Variants in ZZEF1 observed in about 807,000 individuals in gnomAD.
ZZEF1 encodes zinc finger ZZ-type and EF-hand domain containing 1.
In ZZEF1, 157 loss-of-function variants were observed where a neutral mutation model predicts 342.8. The observed-to-expected ratio is 0.46, with a 90% CI of 0.40 to 0.52. ZZEF1 has a LOEUF of 0.52. Among genes scored for constraint, ZZEF1 ranks in the 20% least tolerant of loss-of-function variants. The pLI, the probability that ZZEF1 is intolerant of heterozygous loss-of-function variation, is 0.00. For synonymous variants in ZZEF1, 1,505 were observed against 1,429.1 expected, an observed-to-expected ratio of 1.05 and a Z score of -1.20; for missense variants, 3,480 against 3,725.6, an observed-to-expected ratio of 0.93 and a Z score of 1.72.
At position 4,134,329 on chromosome 17, in the gene ZZEF1, A is replaced by AATATATATATATTTATATATATTTAT. The variant is rs1555614032; in HGVS notation, c.354+8187_354+8212dup. Reference sequence around the variant, plus strand: ...TGAAGACCCTGTCTCAAAAAGAAAAAATATATATATATTTATATATATTTA... The same window carrying AATATATATATATTTATATATATTTAT: ...TGAAGACCCTGTCTCAAAAAGAAAAAATATATATATATTTATATATATTTATATATATATATATTTATATATATTTA... On this transcript the variant is annotated intron_variant, in intron 1 of 54. Coordinates refer to ENST00000381638, the MANE Select transcript of ZZEF1 (RefSeq NM_015113.4). 2.8e-3 allele frequency among the ~76,000 whole-genome samples: 404 copies of AATATATATATATTTATATATATTTAT among 144,576 alleles called. 1 individual carries two copies. Among genetic ancestry groups the AATATATATATATTTATATATATTTAT allele is most frequent in the Non-Finnish European group, 4.1e-3 (274 of 66,602 alleles). 94.8% of individuals were successfully genotyped at this position (144,576 alleles called of 152,430 possible). A position where few individuals can be genotyped will look rare whatever the true frequency, so the allele number is the denominator to read the frequency against.
Position 4,044,404 on chromosome 17 carries a change from G to T in ZZEF1, c.6016-30C>A, listed in dbSNP as rs201100614. 6 of 1,583,100 alleles carry T rather than the reference G, an allele frequency of 3.8e-6. No homozygotes were observed. In the East Asian group the frequency reaches 1.4e-4, roughly 36 times the overall value. On this transcript the variant is annotated intron_variant, in intron 37 of 54. Coordinates refer to ENST00000381638, the MANE Select transcript of ZZEF1 (RefSeq NM_015113.4). ...AAAAACAAAAGTGTAAAAGAATTAA[G>T]GTTTCTTATAACAAAGTTTGCTCCA...
chr17:4,067,097 T>C, intron 27 of ZZEF1, 66 bp downstream of exon 27: 2 of 1,348,888 alleles, frequency 1.5e-6, no homozygotes, highest in South Asian at 2.5e-5. Context: ...ACAATTCATC[T>C]TAATTCCATG....
Position 4,006,089 on chromosome 17 carries a change from G to C in ZZEF1, c.*801C>G, listed in dbSNP as rs9895252. ...TCATCTTCACGGTACATAAGCTCAC[G>C]CGTGCTCCTCACATTCTGCTCCTTT... On this transcript the variant is annotated 3_prime_UTR_variant, in exon 55 of 55. Transcript: ENST00000381638. The C allele has an allele frequency of 0.14, 21,845 of 152,336 alleles. 1,901 individuals are homozygous for C. Among genetic ancestry groups the C allele is most frequent in the African/African-American group, 0.24 (10,071 of 41,496 alleles). The allele number at this position is 152,336 out of a possible 1,614,324, so 9.4% of individuals were successfully genotyped here.
At chr17:4,060,563 A>AAACAAC (rs58090435) in intron 30 of ZZEF1, among the ~76,000 whole-genome samples, 16 of 150,020 alleles carry the variant, frequency 1.1e-4, no homozygotes, top group African/African-American at 2.0e-4. Flanking sequence ...ACAAAAAAAC[A>AAACAAC]AACAACAACA....
rs762193255 is a variant in ZZEF1 at position 4,064,759 on chromosome 17, G to A, written c.4320C>T (p.Ser1440=). 1.9e-6 allele frequency: 3 copies of A among 1,613,172 alleles called. No individual in the cohort carries two copies. In the African/African-American group the frequency reaches 4.0e-5, roughly 22 times the overall value. The part of the protein sequence containing the change: ...FLPTGISSKE[S]CEKLETADET... Reference sequence around the variant, plus strand: ...CATCAGCAGTCTCCAACTTTTCGCAGCTTTCTTTTGAACTTATGCCCGTGG... The same window carrying A: ...CATCAGCAGTCTCCAACTTTTCGCAACTTTCTTTTGAACTTATGCCCGTGG... Residue 1440 remains serine, a synonymous_variant, in exon 29 of 55, where the codon AGC becomes AGT. Transcript: ENST00000381638.
chr17:4,100,248 T>C (rs2058104861), intron 9 of ZZEF1, among the ~76,000 whole-genome samples: 1 of 152,202 alleles, frequency 6.6e-6, no homozygotes, highest in South Asian at 2.1e-4. Flanking sequence ...GTCTTGTCCC[T>C]TAAGGGTTAC....
At chr17:4,136,275 T>TTAAAACTGGGAGGC (rs2058747083) in intron 1 of ZZEF1, among the ~76,000 whole-genome samples, 2 of 143,860 alleles carry the variant, frequency 1.4e-5, no homozygotes, top group Non-Finnish European at 3.0e-5. Context: ...AACTGGGAGG[T>TTAAAACTGGGAGGC]GGAGGTTGCA....
chr17:4,042,714 C>T (rs2056828358), intron 38 of ZZEF1, 146 bp from the exon 39 acceptor site: 2 of 884,490 alleles, frequency 2.3e-6, no homozygotes, highest in Admixed American at 3.3e-5. Flanking sequence ...GGGAGTCTCA[C>T]TCTGTTGCCC....
Position 4,013,147 on chromosome 17 carries a change from C to T in ZZEF1, c.8579+302G>A, listed in dbSNP as rs139632685. 7.1e-4 allele frequency among the ~76,000 whole-genome samples: 107 copies of T among 151,350 alleles called. 3 individuals carry two copies. The East Asian group carries it at 0.017, about 24-fold the overall frequency. ...GGAGATCCGAATGGAACAAAACTGA[C>T]TTGATGCTTACCCCTTCTATCATAC... is the stretch of plus-strand genomic sequence containing the variant. On this transcript the variant is annotated intron_variant, in intron 52 of 54. Coordinates refer to ENST00000381638, the MANE Select transcript of ZZEF1 (RefSeq NM_015113.4).
chr17:4,136,907 C>G (rs977700519), intron 1 of ZZEF1, among the ~76,000 whole-genome samples: 2 of 152,034 alleles, frequency 1.3e-5, no homozygotes, highest in African/African-American at 2.4e-5. Flanking sequence ...AAGCCTTTCT[C>G]AAACTCCATG....
In ZZEF1 at chr17:4,034,281, A is replaced by T. The variant is rs766028013; in HGVS notation, c.6318T>A (p.Val2106=). 18 of 1,614,058 alleles carry T rather than the reference A, an allele frequency of 1.1e-5. No homozygotes were observed. Among genetic ancestry groups the T allele is most frequent in the Non-Finnish European group, 4.2e-6 (5 of 1,180,014 alleles). The part of the protein sequence containing the change: ...MLPPLKSGPT[V]PLIDLEHVLP... ...GGACGTGCTCCAGGTCTATCAGGGG[A>T]ACCGTGGGGCCCTGCCAAGAGAGGG... Residue 2106 remains valine (V), a synonymous_variant, in exon 40 of 55, where the codon GTT becomes GTA. Transcript: ENST00000381638.
At position 4,017,766 on chromosome 17, in the gene ZZEF1, CT is replaced by C. The variant is rs777742186; in HGVS notation, c.7642-37del. ...AAGACCACCATTACAGAGGTCTAGCCTTCTTACAGTGGTGGTATGGGGTGGG... is the reference window on the plus strand; with the variant it reads ...AAGACCACCATTACAGAGGTCTAGCCTCTTACAGTGGTGGTATGGGGTGGG... On this transcript the variant is annotated intron_variant, in intron 47 of 54. Coordinates refer to ENST00000381638, the MANE Select transcript of ZZEF1 (RefSeq NM_015113.4). This position sits in a 1 kb window ranked among gnomAD's most constrained non-coding sequence, Gnocchi z 5.1. 5.6e-4 allele frequency: 901 copies of C among 1,612,810 alleles called. No individual in the cohort carries two copies. The highest frequency in any genetic ancestry group is 7.3e-4 in the Non-Finnish European group (864 of 1,179,478).
At chr17:4,096,549 C>T (rs1317626208) in intron 10 of ZZEF1, 60 bp downstream of exon 10, 2 of 1,385,416 alleles carry the variant, frequency 1.4e-6, no homozygotes, top group South Asian at 1.2e-5. Flanking sequence ...CTACTATGTA[C>T]CCATAAAAAT....
intron 9 of ZZEF1, among the ~76,000 whole-genome samples, chr17:4,098,619 C>T (rs1393420387): frequency 6.6e-6 from 1 of 151,840 alleles, no homozygotes; most frequent in Non-Finnish European, 1.5e-5. Flanking sequence ...AATAAATAAG[C>T]TTTTTTTTCT....
In ZZEF1 at chr17:4,078,018, C is replaced by A; in HGVS notation, c.2854G>T (p.Ala952Ser). 1 of 1,613,900 alleles carries A rather than the reference C, an allele frequency of 6.2e-7. No individual in the cohort carries two copies. The change falls in exon 19 of 55, where the codon GCC becomes TCC. Residue 952 changes from alanine to serine, a missense_variant. This residue lies in a region of ZZEF1 where 1,528 missense variants were observed against 1,624.1 expected (regional missense o/e 0.94). Transcript: ENST00000381638. ...AGCACAGAGCCCACCTCCCCTGGGGCCCCACTGAGCATTAACAGCTCGCAC... is the reference window on the plus strand; with the variant it reads ...AGCACAGAGCCCACCTCCCCTGGGGACCCACTGAGCATTAACAGCTCGCAC... ...RECELLMLSG[A>S]PGEVGSVLFS...
chr17:4,127,063 A>C (rs1268115374), intron 1 of ZZEF1, among the ~76,000 whole-genome samples: 7 of 151,056 alleles, frequency 4.6e-5, no homozygotes. Context: ...GTTGGAGTGC[A>C]GTAGTGCGAT....
At chr17:4,031,079 C>T (rs952926146) in intron 42 of ZZEF1, among the ~76,000 whole-genome samples, 2 of 152,078 alleles carry the variant, frequency 1.3e-5, no homozygotes, top group African/African-American at 4.8e-5. Context: ...CTTTGGGAGG[C>T]CAAGGCAGGC....
chr17:4,095,124 GC>G (rs2058010520), intron 11 of ZZEF1, among the ~76,000 whole-genome samples: 1 of 152,132 alleles, frequency 6.6e-6, no homozygotes, highest in Non-Finnish European at 1.5e-5. Context: ...CCTCAGCAAT[GC>G]GGGACCTGCC....
At chr17:4,009,164 T>C in intron 53 of ZZEF1, 1 of 617,854 alleles carries the variant, frequency 1.6e-6, no homozygotes, top group Non-Finnish European at 2.8e-6. Flanking sequence ...CCACCTGCCC[T>C]TGGGTGACCA....
Sources: gnomAD v4.1 joint callset for allele counts (sites outside exome capture counted in the v4.1 genomes callset) on GRCh38, gnomAD v4.1.1 for gene constraint, gnomAD v4.1.1 regional missense constraint, Gnocchi (gnomAD v3.1) non-coding constraint, MANE v1.5 for transcripts, NCBI Gene and HGNC (gene_info 2026-07-23, HGNC 2026-07-21) for gene names.